The following GASK1B variants were observed in gnomAD, a reference collection of about 807,000 sequenced individuals.
GASK1B encodes the protein golgi associated kinase 1B, also known as Golgi-associated kinase 1B.
GASK1B carries 34 observed loss-of-function variants against 42.8 expected under a neutral mutation model. The ratio of observed to expected loss-of-function variants is 0.79; its 90% CI spans 0.60 to 1.06. GASK1B has a LOEUF of 1.06. GASK1B is among the 50% of genes least tolerant of loss of function. The pLI, the probability that GASK1B is intolerant of heterozygous loss-of-function variation, is 0.00. For synonymous variants in GASK1B, 262 were observed against 259.1 expected (o/e 1.01, Z -0.11); for missense variants, 686 against 661.0 (o/e 1.04, Z -0.42).
At position 158,127,598 on chromosome 4, in the gene GASK1B, C is replaced by T; in HGVS notation, c.1369G>A (p.Val457Ile). 1 of 1,612,688 alleles carries T rather than the reference C, an allele frequency of 6.2e-7. No individual in the cohort carries two copies. Among genetic ancestry groups the T allele is most frequent in the Non-Finnish European group, 8.5e-7 (1 of 1,179,516 alleles). ...AAGTGCTGGCTCTTCAAAACAGAAACTGCAGAAGCTGGAAACCTGAAAAGA... is the reference window on the plus strand; with the variant it reads ...AAGTGCTGGCTCTTCAAAACAGAAATTGCAGAAGCTGGAAACCTGAAAAGA... ...EGIKEFPASA[V>I]SVLKSQHLRQ... The change falls in exon 5 of 5, where the codon GTT becomes ATT. Residue 457 changes from valine to isoleucine, a missense_variant. Physicochemically the swap from Val to Ile is conservative, Grantham distance 29. Transcript: ENST00000585682.
rs1383611197 is a variant in GASK1B at position 158,125,203 on chromosome 4, G to A, written c.*2204C>T. On this transcript the variant is annotated 3_prime_UTR_variant, in exon 5 of 5. Coordinates refer to ENST00000585682, the MANE Select transcript of GASK1B (RefSeq NM_001128424.2). ...GATTACAAAACAAAATTGTTAAAAAGCAAAGGTGACTAAAATAAACATGTT... is the reference window on the plus strand; with the variant it reads ...GATTACAAAACAAAATTGTTAAAAAACAAAGGTGACTAAAATAAACATGTT... The A allele has an allele frequency of 6.6e-6, 1 of 152,062 alleles. No homozygotes were observed. 9.4% of individuals were successfully genotyped at this position (152,062 alleles called of 1,614,324 possible). A position where few individuals can be genotyped will look rare whatever the true frequency, so the allele number is the denominator to read the frequency against.
At chr4:158,135,162 C>A (rs1161740860) in intron 3 of GASK1B, among the ~76,000 whole-genome samples, 1 of 151,730 alleles carries the variant, frequency 6.6e-6, no homozygotes, top group African/African-American at 2.4e-5. Context: ...GAAACCCCAT[C>A]TCTACTAAAG....
At chr4:158,168,863 C>G (rs1356903550) in intron 2 of GASK1B, 1 of 152,196 alleles carries the variant, frequency 6.6e-6, no homozygotes, top group Non-Finnish European at 1.5e-5. Context: ...CAAGGGGGAT[C>G]CTGTGCTCTA....
At chr4:158,137,208 A>G (rs571648325) in intron 3 of GASK1B, among the ~76,000 whole-genome samples, 1 of 152,226 alleles carries the variant, frequency 6.6e-6, no homozygotes. Flanking sequence ...AGGGTCCGCC[A>G]TAATGCCATG....
intron 2 of GASK1B, among the ~76,000 whole-genome samples, chr4:158,158,559 T>C (rs551026929): frequency 9.2e-5 from 14 of 152,190 alleles, no homozygotes; most frequent in African/African-American, 2.6e-4. Context: ...ATAAATATTT[T>C]GTTTAATTAT....
At chr4:158,163,849 G>T (rs976898562) in intron 2 of GASK1B, among the ~76,000 whole-genome samples, 3 of 152,152 alleles carry the variant, frequency 2.0e-5, no homozygotes, top group Non-Finnish European at 2.9e-5. Context: ...ATTACAAACT[G>T]TACCACTTTT....
rs564122336 is a variant in GASK1B at position 158,142,350 on chromosome 4, C to T, written c.1126-11338G>A. Among the ~76,000 whole-genome samples, 22 of 152,242 alleles carry T rather than the reference C, an allele frequency of 1.4e-4. No individual in the cohort carries two copies. The South Asian group carries it at 4.4e-3, about 30-fold the overall frequency. Reference sequence around the variant, plus strand: ...CTCTACCACTAAAGGCAGTGGTGACCATGAACAAGAGTGTGAGGCATATTT... The same window carrying T: ...CTCTACCACTAAAGGCAGTGGTGACTATGAACAAGAGTGTGAGGCATATTT... On this transcript the variant is annotated intron_variant, in intron 3 of 4. Coordinates refer to ENST00000585682, the MANE Select transcript of GASK1B (RefSeq NM_001128424.2).
intron 3 of GASK1B, among the ~76,000 whole-genome samples, chr4:158,139,893 T>C (rs1329253621): frequency 6.6e-6 from 1 of 152,246 alleles, no homozygotes; most frequent in East Asian, 1.9e-4. Flanking sequence ...ATACAGTCGA[T>C]GTGCTTTACA....
intron 3 of GASK1B, among the ~76,000 whole-genome samples, chr4:158,138,673 CA>C (rs1238914673): frequency 6.6e-6 from 1 of 151,622 alleles, no homozygotes; most frequent in Non-Finnish European, 1.5e-5. Context: ...AGGAAAATGA[CA>C]AAAATAAGTA....
chr4:158,139,749 C>T (rs1447023179), intron 3 of GASK1B, among the ~76,000 whole-genome samples: 1 of 152,116 alleles, frequency 6.6e-6, no homozygotes, highest in East Asian at 1.9e-4. Flanking sequence ...ACTTGCTATG[C>T]TTTCCAAACA....
chr4:158,144,047 C>A (rs1453664559), intron 3 of GASK1B, among the ~76,000 whole-genome samples: 1 of 151,992 alleles, frequency 6.6e-6, no homozygotes, highest in Non-Finnish European at 1.5e-5. Flanking sequence ...TATTTCCCTG[C>A]AAAAAATGTT....
intron 3 of GASK1B, among the ~76,000 whole-genome samples, chr4:158,149,631 C>A (rs944407765): frequency 1.3e-5 from 2 of 152,186 alleles, no homozygotes; most frequent in African/African-American, 4.8e-5. Flanking sequence ...CTGCTTACCA[C>A]TCCCCAAACA....
At chr4:158,170,207 G>A (rs372519767) in intron 2 of GASK1B, 2 of 1,600,968 alleles carry the variant, frequency 1.2e-6, no homozygotes, top group Non-Finnish European at 8.5e-7. Context: ...GAAGTGAAGC[G>A]AGGGAAATGG....
At chr4:158,169,376 T>C (rs1053466250) in intron 2 of GASK1B, 1 of 152,196 alleles carries the variant, frequency 6.6e-6, no homozygotes, top group African/African-American at 2.4e-5. Flanking sequence ...GTCCAATTTT[T>C]CTAAGTAAAT....
intron 3 of GASK1B, among the ~76,000 whole-genome samples, chr4:158,151,679 A>AT (rs377461284): frequency 6.6e-6 from 1 of 152,108 alleles, no homozygotes; most frequent in Non-Finnish European, 1.5e-5. Context: ...CTTTACACGC[A>AT]AAACTACAAA....
At chr4:158,167,381 G>A (rs1732267941) in intron 2 of GASK1B, among the ~76,000 whole-genome samples, 1 of 152,124 alleles carries the variant, frequency 6.6e-6, no homozygotes, top group African/African-American at 2.4e-5. Context: ...CATTTGCATT[G>A]TAAGGAGGCT....
Position 158,171,226 on chromosome 4 carries a change from GA to G in GASK1B, c.149del (p.Phe50SerfsTer3), listed in dbSNP as rs1366537335. ...LGTACAIYLG[F>X]LVSQVGRASL... ...AGGCCCTCCCCACCTGGCTCACCAG[GA>G]AGCCCAAGTAGATGGCACACGCAGT... On this transcript the variant is annotated frameshift_variant, in exon 2 of 5. Coordinates refer to ENST00000585682, the MANE Select transcript of GASK1B (RefSeq NM_001128424.2). LOFTEE classifies it high-confidence loss of function. 2.2e-5 allele frequency: 35 copies of G among 1,614,054 alleles called. No individual in the cohort carries two copies. The highest frequency in any genetic ancestry group is 3.0e-5 in the Non-Finnish European group (35 of 1,180,002).
intron 2 of GASK1B, among the ~76,000 whole-genome samples, chr4:158,162,253 T>C (rs540284776): frequency 3.3e-5 from 5 of 152,282 alleles, no homozygotes; most frequent in Admixed American, 6.5e-5. Flanking sequence ...AATATCTCCA[T>C]TGAGGTTTTT....
At chr4:158,161,510 C>T (rs1199548151) in intron 2 of GASK1B, among the ~76,000 whole-genome samples, 1 of 152,174 alleles carries the variant, frequency 6.6e-6, no homozygotes. Context: ...TCACCAACTA[C>T]CTAAACAACT....
Sources: allele counts gnomAD v4.1 joint callset (sites outside exome capture counted in the v4.1 genomes callset), GRCh38; gene constraint gnomAD v4.1.1; transcripts MANE v1.5; gene names NCBI Gene and HGNC (gene_info 2026-07-23, HGNC 2026-07-21).